Variants in IQCM observed in about 807,000 individuals in gnomAD.
The protein encoded by IQCM is IQ domain-containing protein M.
In IQCM, 45 loss-of-function variants were observed where a neutral mutation model predicts 57.6. The ratio of observed to expected loss-of-function variants is 0.78; its 90% CI spans 0.62 to 1.00. The LOEUF (loss-of-function observed/expected upper bound fraction) is 1.00. IQCM is among the 50% of genes least tolerant of loss of function. IQCM has a pLI of 0.00. For synonymous variants in IQCM, 148 were observed against 158.9 expected, an observed-to-expected ratio of 0.93 and a Z score of 0.51; for missense variants, 468 against 511.6, an observed-to-expected ratio of 0.91 and a Z score of 0.82.
chr4:149,374,920 C>G (rs1185377179), intron 13 of IQCM, among the ~76,000 whole-genome samples: 1 of 151,668 alleles, frequency 6.6e-6, no homozygotes, highest in East Asian at 1.9e-4. Flanking sequence ...CGTATAAAAA[C>G]TAGAGGACAA....
chr4:149,558,349 A>C (rs2149922550), intron 10 of IQCM, among the ~76,000 whole-genome samples: 1 of 152,280 alleles, frequency 6.6e-6, no homozygotes, highest in African/African-American at 2.4e-5. Flanking sequence ...TCAAATTTCA[A>C]ATCCCTCCTG....
chr4:149,680,584 T>C (rs1762107964), intron 7 of IQCM, among the ~76,000 whole-genome samples: 1 of 151,574 alleles, frequency 6.6e-6, no homozygotes, highest in African/African-American at 2.4e-5. Context: ...ATTTAACATA[T>C]GGTTATTAGC....
At chr4:149,406,098 C>G (rs890606219) in intron 13 of IQCM, among the ~76,000 whole-genome samples, 1 of 151,690 alleles carries the variant, frequency 6.6e-6, no homozygotes, top group African/African-American at 2.4e-5. Context: ...CTCTTAAGAA[C>G]CAAGTTTGCT....
intron 8 of IQCM, among the ~76,000 whole-genome samples, chr4:149,604,679 T>C (rs1754618856): frequency 2.0e-5 from 3 of 152,206 alleles, no homozygotes; most frequent in Non-Finnish European, 4.4e-5. Context: ...TAATTAGTGC[T>C]AAACCTTCCC....
chr4:149,403,067 T>C (rs1376227497), intron 13 of IQCM, among the ~76,000 whole-genome samples: 1 of 151,996 alleles, frequency 6.6e-6, no homozygotes, highest in Non-Finnish European at 1.5e-5. Flanking sequence ...TATTTAAAAG[T>C]GCATCACAAA....
intron 2 of IQCM, among the ~76,000 whole-genome samples, chr4:149,785,286 G>A (rs1416297274): frequency 6.6e-6 from 1 of 152,124 alleles, no homozygotes; most frequent in East Asian, 1.9e-4. Context: ...TTGAGACTGA[G>A]GCAGCTGACT....
chr4:149,809,962 G>A (rs1220994726), intron 2 of IQCM, among the ~76,000 whole-genome samples: 1 of 152,096 alleles, frequency 6.6e-6, no homozygotes, highest in Non-Finnish European at 1.5e-5. Flanking sequence ...TAAATACCGA[G>A]TGTCTGATTA....
chr4:149,553,748 T>G (rs780804905), intron 10 of IQCM, among the ~76,000 whole-genome samples: 1 of 152,188 alleles, frequency 6.6e-6, no homozygotes, highest in Non-Finnish European at 1.5e-5. Flanking sequence ...TTTTAAGGTT[T>G]TTTTGTTGTT....
intron 2 of IQCM, among the ~76,000 whole-genome samples, chr4:149,814,212 C>T (rs1043712499): frequency 6.6e-6 from 1 of 151,944 alleles, no homozygotes; most frequent in African/African-American, 2.4e-5. Flanking sequence ...TGTTTTAAAA[C>T]TGCAAGACCT....
intron 2 of IQCM, among the ~76,000 whole-genome samples, chr4:149,744,555 A>G (rs1366616199): frequency 1.3e-5 from 2 of 152,140 alleles, no homozygotes; most frequent in African/African-American, 4.8e-5. Flanking sequence ...AAACTAGCCA[A>G]GCATCCTAAG....
chr4:149,428,696 A>G (rs570367066), intron 13 of IQCM, among the ~76,000 whole-genome samples: 1 of 152,024 alleles, frequency 6.6e-6, no homozygotes, highest in African/African-American at 2.4e-5. Context: ...ATTCTAATTT[A>G]GCAAATGTGT....
intron 5 of IQCM, among the ~76,000 whole-genome samples, chr4:149,728,187 C>T (rs1413833646): frequency 6.6e-6 from 1 of 152,154 alleles, no homozygotes; most frequent in Non-Finnish European, 1.5e-5. Flanking sequence ...TTCCATGTGC[C>T]CCACACCTTG....
intron 7 of IQCM, among the ~76,000 whole-genome samples, chr4:149,645,961 C>A (rs1000025917): frequency 6.6e-6 from 1 of 152,156 alleles, no homozygotes; most frequent in African/African-American, 2.4e-5. Context: ...TGGCTGAGAC[C>A]TGCTTGCAAC....
chr4:149,479,198 A>G (rs576968970), intron 12 of IQCM, among the ~76,000 whole-genome samples: 1 of 152,190 alleles, frequency 6.6e-6, no homozygotes, highest in Non-Finnish European at 1.5e-5. Flanking sequence ...GACTGGTTAC[A>G]TTGAACCTAT....
intron 7 of IQCM, among the ~76,000 whole-genome samples, chr4:149,661,888 A>C (rs935788529): frequency 6.6e-6 from 1 of 151,994 alleles, no homozygotes; most frequent in Non-Finnish European, 1.5e-5. Flanking sequence ...GTTTCTTAAA[A>C]AAGTTCTTTG....
At chr4:149,480,432 T>C (rs1175350526) in intron 12 of IQCM, among the ~76,000 whole-genome samples, 1 of 152,146 alleles carries the variant, frequency 6.6e-6, no homozygotes, top group East Asian at 1.9e-4. Context: ...ACCTAGCCTC[T>C]AGTAACCAGC....
At chr4:149,806,563 G>A (rs1414010865) in intron 2 of IQCM, among the ~76,000 whole-genome samples, 1 of 151,974 alleles carries the variant, frequency 6.6e-6, no homozygotes, top group Non-Finnish European at 1.5e-5. Flanking sequence ...CCCTACATAT[G>A]AGTAGGAACA....
chr4:149,670,791 G>A (rs372044218), intron 7 of IQCM, among the ~76,000 whole-genome samples: 36 of 152,050 alleles, frequency 2.4e-4, no homozygotes, highest in East Asian at 5.8e-4. Flanking sequence ...ATTGATTTGC[G>A]TATGTTGAAC....
intron 12 of IQCM, among the ~76,000 whole-genome samples, chr4:149,475,646 A>C (rs1740106733): frequency 6.6e-6 from 1 of 152,154 alleles, no homozygotes; most frequent in Non-Finnish European, 1.5e-5. Context: ...GGGGAAGAAG[A>C]AGCAGAATCA....
Sources: allele counts gnomAD v4.1 joint callset (sites outside exome capture counted in the v4.1 genomes callset), GRCh38; gene constraint gnomAD v4.1.1; transcripts MANE v1.5; gene names NCBI Gene and HGNC (gene_info 2026-07-23, HGNC 2026-07-21).